The following CCDC91 variants were observed in gnomAD, a reference collection of about 807,000 sequenced individuals.
CCDC91 encodes coiled-coil domain-containing protein 91.
Under a neutral mutation model 63.2 loss-of-function variants are expected in CCDC91, and 48 were observed. The ratio of observed to expected loss-of-function variants is 0.76; its 90% CI spans 0.60 to 0.97. CCDC91 has a LOEUF of 0.97. CCDC91 is among the 50% of genes least tolerant of loss of function. The pLI, the probability that CCDC91 is intolerant of heterozygous loss-of-function variation, is 0.00. For synonymous variants in CCDC91, 167 were observed against 165.8 expected, an observed-to-expected ratio of 1.01 and a Z score of -0.06; for missense variants, 500 against 494.6, an observed-to-expected ratio of 1.01 and a Z score of -0.10.
chr12:28,250,773 G>T (rs1946067298), intron 1 of CCDC91, among the ~76,000 whole-genome samples: 1 of 151,964 alleles, frequency 6.6e-6, no homozygotes, highest in Non-Finnish European at 1.5e-5. Context: ...TCAATTGCTG[G>T]AGGGTAAAAA....
chr12:28,190,496 C>T lies in CCDC91; in HGVS notation c.-160C>T, dbSNP rs1280362333. 1 of 153,050 alleles carries T rather than the reference C, an allele frequency of 6.5e-6. No individual in the cohort carries two copies. The highest frequency in any genetic ancestry group is 2.4e-5 in the African/African-American group (1 of 41,462). 9.5% of individuals were successfully genotyped at this position (153,050 alleles called of 1,614,324 possible). A position where few individuals can be genotyped will look rare whatever the true frequency, so the allele number is the denominator to read the frequency against. ...CGGGTGGTGCGTGGGCTACCCCAACCTGTGTGGCTGGGCCGCGGTCTCCCC... is the reference window on the plus strand; with the variant it reads ...CGGGTGGTGCGTGGGCTACCCCAACTTGTGTGGCTGGGCCGCGGTCTCCCC... On this transcript the variant is annotated 5_prime_UTR_variant, in exon 1 of 13. Coordinates refer to ENST00000536442, the MANE Select transcript of CCDC91 (RefSeq NM_018318.5).
chr12:28,408,259 T>C (rs1248515164), intron 8 of CCDC91, among the ~76,000 whole-genome samples: 1 of 152,144 alleles, frequency 6.6e-6, no homozygotes, highest in African/African-American at 2.4e-5. Context: ...CCTGTGTTAG[T>C]TTGCTGAGAA....
intron 2 of CCDC91, among the ~76,000 whole-genome samples, chr12:28,258,313 T>G: frequency 1.9e-5 from 1 of 52,600 alleles, no homozygotes; most frequent in East Asian, 5.1e-4. Context: ...GTTTCAGATA[T>G]CATCTGGCTT....
intron 6 of CCDC91, among the ~76,000 whole-genome samples, chr12:28,349,062 T>C (rs1375676229): frequency 6.6e-6 from 1 of 152,184 alleles, no homozygotes; most frequent in African/African-American, 2.4e-5. Flanking sequence ...TGAATTACTA[T>C]GTTTTGTATT....
At chr12:28,216,589 G>A (rs1048300642) in intron 1 of CCDC91, among the ~76,000 whole-genome samples, 2 of 151,942 alleles carry the variant, frequency 1.3e-5, no homozygotes, top group Non-Finnish European at 2.9e-5. Context: ...ATGTAGAGAA[G>A]TTGGGGTGTG....
chr12:28,336,238 G>T (rs556543854), intron 6 of CCDC91, among the ~76,000 whole-genome samples: 1 of 152,184 alleles, frequency 6.6e-6, no homozygotes, highest in African/African-American at 2.4e-5. Context: ...GTCTAGCCTG[G>T]TTAGTTGTGA....
At chr12:28,453,253 C>A (rs1949902221) in intron 11 of CCDC91, among the ~76,000 whole-genome samples, 1 of 151,882 alleles carries the variant, frequency 6.6e-6, no homozygotes, top group Admixed American at 6.6e-5. Flanking sequence ...ATTGAATTTG[C>A]ACAGTTCTAT....
At chr12:28,288,593 C>T (rs1949042338) in intron 3 of CCDC91, among the ~76,000 whole-genome samples, 1 of 151,872 alleles carries the variant, frequency 6.6e-6, no homozygotes, top group South Asian at 2.1e-4. Flanking sequence ...TTTGGTTTGC[C>T]ACAAGTGTTT....
chr12:28,541,631 G>T (rs1250569255), intron 12 of CCDC91, among the ~76,000 whole-genome samples: 1 of 151,756 alleles, frequency 6.6e-6, no homozygotes, highest in African/African-American at 2.4e-5. Flanking sequence ...TGATATATTT[G>T]GGATCCCTAT....
At chr12:28,474,417 T>C (rs923567764) in intron 11 of CCDC91, among the ~76,000 whole-genome samples, 33 of 152,182 alleles carry the variant, frequency 2.2e-4, no homozygotes, top group Non-Finnish European at 4.3e-4. Flanking sequence ...CATTAAAAAA[T>C]GTAAAAAGTA....
chr12:28,217,991 T>A (rs1406318103), intron 1 of CCDC91, among the ~76,000 whole-genome samples: 1 of 152,144 alleles, frequency 6.6e-6, no homozygotes, highest in Non-Finnish European at 1.5e-5. Flanking sequence ...TTACCTATTA[T>A]AACTGTCCCC....
In CCDC91 at chr12:28,433,046, A is replaced by AT. The variant is rs200603423; in HGVS notation, c.763-17106dup. On this transcript the variant is annotated intron_variant, in intron 8 of 12. Transcript: ENST00000536442. Reference sequence around the variant, plus strand: ...GGTGAGCTGCTAAAGTCTTTTACCCATTTTTTTTTAAGTCAGGCCTTTTTT... The same window carrying AT: ...GGTGAGCTGCTAAAGTCTTTTACCCATTTTTTTTTTAAGTCAGGCCTTTTTT... Among the ~76,000 whole-genome samples the AT allele has an allele frequency of 6.6e-4, 100 of 150,522 alleles. 1 individual carries two copies. Among genetic ancestry groups the AT allele is most frequent in the African/African-American group, 2.2e-3 (91 of 41,116 alleles).
At chr12:28,218,245 A>AT (rs2135614162) in intron 1 of CCDC91, among the ~76,000 whole-genome samples, 1 of 152,286 alleles carries the variant, frequency 6.6e-6, no homozygotes, top group Admixed American at 6.5e-5. Context: ...GGGAATGCGC[A>AT]TTCGACTGTT....
chr12:28,332,193 A>G lies in CCDC91; in HGVS notation c.576+24444A>G, dbSNP rs552326437. On this transcript the variant is annotated intron_variant, in intron 6 of 12. Coordinates refer to ENST00000536442, the MANE Select transcript of CCDC91 (RefSeq NM_018318.5). The stretch of plus-strand genomic sequence containing the variant: ...CTATTCATAACATACTGACATAGGA[A>G]CAGGTAAATCAGATCTGGGACTTAT... Among the ~76,000 whole-genome samples the G allele has an allele frequency of 5.3e-5, 8 of 152,284 alleles. No individual in the cohort carries two copies. The East Asian group carries it at 1.3e-3, about 26-fold the overall frequency.
intron 11 of CCDC91, among the ~76,000 whole-genome samples, chr12:28,458,889 G>C (rs1439259022): frequency 1.3e-5 from 2 of 151,930 alleles, no homozygotes; most frequent in African/African-American, 4.8e-5. Context: ...TTTTCAACTT[G>C]GAGTGAAAAA....
chr12:28,345,877 T>C (rs1182133115), intron 6 of CCDC91, among the ~76,000 whole-genome samples: 1 of 152,182 alleles, frequency 6.6e-6, no homozygotes, highest in East Asian at 1.9e-4. Flanking sequence ...GTATTCAGTC[T>C]TTACAGTATA....
intron 7 of CCDC91, among the ~76,000 whole-genome samples, chr12:28,380,867 G>A (rs1945257527): frequency 6.6e-6 from 1 of 152,078 alleles, no homozygotes; most frequent in Non-Finnish European, 1.5e-5. Context: ...TTAGAGAAAA[G>A]CACTACCTAA....
chr12:28,515,308 G>A (rs1485272797), intron 12 of CCDC91, among the ~76,000 whole-genome samples: 1 of 151,732 alleles, frequency 6.6e-6, no homozygotes, highest in Non-Finnish European at 1.5e-5. Flanking sequence ...TTTTGTTGAG[G>A]TACCTCCTAT....
chr12:28,297,620 A>G (rs1401554500), intron 3 of CCDC91, among the ~76,000 whole-genome samples: 6 of 151,900 alleles, frequency 3.9e-5, no homozygotes, highest in African/African-American at 1.4e-4. Flanking sequence ...ATACCAAAAG[A>G]AACAAAATTT....
Sources: gnomAD v4.1 joint callset for allele counts (sites outside exome capture counted in the v4.1 genomes callset) on GRCh38, gnomAD v4.1.1 for gene constraint, MANE v1.5 for transcripts, NCBI Gene and HGNC (gene_info 2026-07-23, HGNC 2026-07-21) for gene names.